The following RRAS2 variants were observed in gnomAD, a reference collection of about 807,000 sequenced individuals.
RRAS2 encodes the protein ras-related protein R-Ras2.
A neutral mutation model predicts 27.6 loss-of-function variants in RRAS2; 7 were observed. That is an observed-to-expected ratio of 0.25 (90% CI 0.14 to 0.48). The LOEUF is 0.48. RRAS2 is among the 20% of genes least tolerant of loss of function. RRAS2 has a pLI of 0.99. For synonymous variants in RRAS2, 86 were observed against 90.9 expected, an observed-to-expected ratio of 0.95 and a Z score of 0.31; for missense variants, 178 against 256.2, an observed-to-expected ratio of 0.69 and a Z score of 2.08.
chr11:14,314,743 G>A (rs1848057461), intron 1 of RRAS2, among the ~76,000 whole-genome samples: 1 of 152,172 alleles, frequency 6.6e-6, no homozygotes, highest in East Asian at 1.9e-4. Context: ...ATGCTGGAGT[G>A]CAGTGGTGCG....
chr11:14,279,452 A>AT, intron 5 of RRAS2, 28 bp from the exon 6 acceptor site: 1 of 1,495,880 alleles, frequency 6.7e-7, no homozygotes, highest in Non-Finnish European at 9.3e-7. Context: ...CTAAAATATA[A>AT]TTGCCTTCTT....
rs1475447147 is a variant in RRAS2, at chr11:14,358,609, G to C, written c.108+154C>G. On this transcript the variant is annotated intron_variant, in intron 1 of 5. Coordinates refer to ENST00000256196, the MANE Select transcript of RRAS2 (RefSeq NM_012250.6). The surrounding 1 kb of genome is among the most constrained non-coding windows in gnomAD (Gnocchi z 5.1). ...GCGCGACGCTGCGGCCGCAGGGCAG[G>C]AGCGTAGTCGGCCCCGCGCCCTCCC... is the stretch of plus-strand genomic sequence containing the variant. 2.0e-6 allele frequency: 2 copies of C among 980,016 alleles called. No homozygotes were observed. Among genetic ancestry groups the C allele is most frequent in the African/African-American group, 3.5e-5 (2 of 56,988 alleles). 60.7% of individuals were successfully genotyped at this position (980,016 alleles called of 1,614,324 possible). A position where few individuals can be genotyped will look rare whatever the true frequency, so the allele number is the denominator to read the frequency against.
intron 4 of RRAS2, among the ~76,000 whole-genome samples, chr11:14,285,683 T>C (rs1724735981): frequency 6.6e-6 from 1 of 152,202 alleles, no homozygotes; most frequent in Non-Finnish European, 1.5e-5. Flanking sequence ...TCTTCATTTC[T>C]GAAATAAATT....
chr11:14,292,302 G>A (rs1178883707), intron 4 of RRAS2, among the ~76,000 whole-genome samples: 3 of 152,066 alleles, frequency 2.0e-5, no homozygotes, highest in African/African-American at 7.2e-5. Context: ...CCTATCCTAG[G>A]TCTCCTACCT....
At chr11:14,302,073 TACACACACACAC>T (rs57730782) in intron 1 of RRAS2, among the ~76,000 whole-genome samples, 265 of 142,468 alleles carry the variant, frequency 1.9e-3, no homozygotes, top group Non-Finnish European at 2.6e-3. Context: ...ACCACACACA[TACACACACACAC>T]ACACACACAC....
chr11:14,297,948 T>C (rs1444765282), intron 1 of RRAS2, among the ~76,000 whole-genome samples: 1 of 147,196 alleles, frequency 6.8e-6, no homozygotes, highest in Non-Finnish European at 1.5e-5. Context: ...CACCACTCCA[T>C]CACCATTTAA....
At chr11:14,353,758 C>T (rs1191035541) in intron 1 of RRAS2, among the ~76,000 whole-genome samples, 2 of 152,118 alleles carry the variant, frequency 1.3e-5, no homozygotes, top group Non-Finnish European at 2.9e-5. Flanking sequence ...GTTAAAATTT[C>T]CTTCTTCTCC....
chr11:14,292,365 T>C (rs1396189226), intron 4 of RRAS2, among the ~76,000 whole-genome samples: 1 of 152,168 alleles, frequency 6.6e-6, no homozygotes, highest in Non-Finnish European at 1.5e-5. Context: ...ATCCTATTTC[T>C]ATATTCAGGA....
intron 1 of RRAS2, among the ~76,000 whole-genome samples, chr11:14,344,980 A>C (rs1293510385): frequency 1.4e-5 from 2 of 142,974 alleles, no homozygotes; most frequent in Non-Finnish European, 3.0e-5. Flanking sequence ...GCCCTACTCA[A>C]GACTTTATTT....
At chr11:14,304,716 G>A (rs1847793910) in intron 1 of RRAS2, among the ~76,000 whole-genome samples, 1 of 152,170 alleles carries the variant, frequency 6.6e-6, no homozygotes, top group South Asian at 2.1e-4. Context: ...TTAGCCATTG[G>A]TAGCCTCCAT....
At chr11:14,287,434 G>A (rs1481874787) in intron 4 of RRAS2, among the ~76,000 whole-genome samples, 1 of 152,024 alleles carries the variant, frequency 6.6e-6, no homozygotes, top group Non-Finnish European at 1.5e-5. Flanking sequence ...AATATGATTG[G>A]GGGAAGGAAA....
At chr11:14,301,914 C>G (rs1554947451) in intron 1 of RRAS2, among the ~76,000 whole-genome samples, 1 of 152,076 alleles carries the variant, frequency 6.6e-6, no homozygotes, top group African/African-American at 2.4e-5. Context: ...ACCCAGGTGG[C>G]AGAGGTTGCA....
At position 14,279,273 on chromosome 11, in the gene RRAS2, A is replaced by G; in HGVS notation, c.*64T>C. On this transcript the variant is annotated 3_prime_UTR_variant, in exon 6 of 6. Coordinates refer to ENST00000256196, the MANE Select transcript of RRAS2 (RefSeq NM_012250.6). ...CTAGAAAGGTACCAACAAGATGTAA[A>G]CTGAGGAGAGAAAGAGAAGATGAGG... The G allele has an allele frequency of 2.6e-6, 3 of 1,147,784 alleles. No individual in the cohort carries two copies. The highest frequency in any genetic ancestry group is 4.0e-6 in the Non-Finnish European group (3 of 755,812). 71.1% of individuals were successfully genotyped at this position (1,147,784 alleles called of 1,614,324 possible). A position where few individuals can be genotyped will look rare whatever the true frequency, so the allele number is the denominator to read the frequency against.
At chr11:14,280,987 C>T (rs11023175) in intron 5 of RRAS2, among the ~76,000 whole-genome samples, 8,385 of 152,214 alleles carry the variant, frequency 0.055, 342 homozygotes, top group East Asian at 0.18. Flanking sequence ...AACCAAAAGG[C>T]CCCCTATGGC....
Position 14,341,504 on chromosome 11 carries a change from G to A in RRAS2, c.108+17259C>T, listed in dbSNP as rs186588071. Among the ~76,000 whole-genome samples the A allele has an allele frequency of 2.2e-3, 340 of 151,842 alleles. 1 individual carries two copies. Among genetic ancestry groups the A allele is most frequent in the African/African-American group, 7.4e-3 (306 of 41,388 alleles). On this transcript the variant is annotated intron_variant, in intron 1 of 5. Coordinates refer to ENST00000256196, the MANE Select transcript of RRAS2 (RefSeq NM_012250.6). ...AGCAAATCATAACACACACATTCAC[G>A]TACAAGTTTTATCCACAAATTGAAA... is the stretch of plus-strand genomic sequence containing the variant.
At chr11:14,289,393 A>C (rs550116247) in intron 4 of RRAS2, among the ~76,000 whole-genome samples, 1 of 152,336 alleles carries the variant, frequency 6.6e-6, no homozygotes, top group Non-Finnish European at 1.5e-5. Flanking sequence ...AAGGAACTTG[A>C]AATCAGATAT....
chr11:14,315,022 A>C (rs1186690881), intron 1 of RRAS2, among the ~76,000 whole-genome samples: 1 of 152,210 alleles, frequency 6.6e-6, no homozygotes, highest in Admixed American at 6.5e-5. Flanking sequence ...TTAAATAGCC[A>C]TGGTTTTTGT....
Position 14,343,759 on chromosome 11 carries a change from G to A in RRAS2, c.108+15004C>T, listed in dbSNP as rs1177266747. On this transcript the variant is annotated intron_variant, in intron 1 of 5. Coordinates refer to ENST00000256196, the MANE Select transcript of RRAS2 (RefSeq NM_012250.6). Reference sequence around the variant, plus strand: ...TGAGGTGGAAGGATCGCCTCTACCCGGCAGAAGGAGGTAGCAGTGAGCCGA... The same window carrying A: ...TGAGGTGGAAGGATCGCCTCTACCCAGCAGAAGGAGGTAGCAGTGAGCCGA... Among the ~76,000 whole-genome samples the A allele has an allele frequency of 1.5e-4, 23 of 151,962 alleles. No homozygotes were observed. In the East Asian group the frequency reaches 2.1e-3, roughly 14 times the overall value.
chr11:14,334,365 T>C (rs1554952313), intron 1 of RRAS2, among the ~76,000 whole-genome samples: 1 of 152,210 alleles, frequency 6.6e-6, no homozygotes, highest in Admixed American at 6.5e-5. Flanking sequence ...CACCTTGCTG[T>C]CATTTTAAGA....
Sources: allele counts gnomAD v4.1 joint callset (sites outside exome capture counted in the v4.1 genomes callset), GRCh38; gene constraint gnomAD v4.1.1; non-coding constraint Gnocchi (gnomAD v3.1); transcripts MANE v1.5; gene names NCBI Gene and HGNC (gene_info 2026-07-23, HGNC 2026-07-21).